SLC8A3: variants seen among roughly 807,000 people sequenced by gnomAD.
SLC8A3 encodes the protein solute carrier family 8 member A3, also known as sodium/calcium exchanger 3.
Under a neutral mutation model 65.4 loss-of-function variants are expected in SLC8A3, and 37 were observed. The ratio of observed to expected loss-of-function variants is 0.57; its 90% CI spans 0.44 to 0.74. The LOEUF (loss-of-function observed/expected upper bound fraction) is 0.74. Among genes scored for constraint, SLC8A3 ranks in the 30% least tolerant of loss-of-function variants. The pLI is 0.00. For synonymous variants in SLC8A3, 461 were observed against 444.5 expected, an observed-to-expected ratio of 1.04 and a Z score of -0.47; for missense variants, 1,112 against 1,172.1, an observed-to-expected ratio of 0.95 and a Z score of 0.75.
At chr14:70,156,112 G>T (rs1455640565) in intron 2 of SLC8A3, among the ~76,000 whole-genome samples, 1 of 152,182 alleles carries the variant, frequency 6.6e-6, no homozygotes, top group Non-Finnish European at 1.5e-5. Context: ...TGGGGAGCTG[G>T]CTTGAGAACC....
At chr14:70,160,956 A>G (rs1896846198) in intron 2 of SLC8A3, among the ~76,000 whole-genome samples, 1 of 151,438 alleles carries the variant, frequency 6.6e-6, no homozygotes, top group Non-Finnish European at 1.5e-5. Context: ...AAAAGTTTAC[A>G]TAGCATGGTC....
At chr14:70,122,138 T>A (rs1235371155) in intron 2 of SLC8A3, among the ~76,000 whole-genome samples, 1 of 152,140 alleles carries the variant, frequency 6.6e-6, no homozygotes, top group Admixed American at 6.5e-5. Context: ...GAAGAGCTAT[T>A]TCAGAGAAAA....
intron 2 of SLC8A3, among the ~76,000 whole-genome samples, chr14:70,133,498 G>A (rs1244251717): frequency 6.6e-6 from 1 of 152,202 alleles, no homozygotes; most frequent in African/African-American, 2.4e-5. Context: ...AGAACAAGGT[G>A]CATTGAGGCT....
At chr14:70,083,225 G>A (rs1423666989) in intron 2 of SLC8A3, among the ~76,000 whole-genome samples, 2 of 152,174 alleles carry the variant, frequency 1.3e-5, no homozygotes, top group Admixed American at 6.5e-5. Context: ...CAAGCATGAA[G>A]CCTTCTGATG....
At chr14:70,182,353 A>G (rs2140442330) in intron 1 of SLC8A3, among the ~76,000 whole-genome samples, 1 of 152,328 alleles carries the variant, frequency 6.6e-6, no homozygotes, top group African/African-American at 2.4e-5. Flanking sequence ...AACTATCCAC[A>G]CTGCAGTAAC....
At chr14:70,106,330 T>C (rs1892872417) in intron 2 of SLC8A3, among the ~76,000 whole-genome samples, 1 of 152,170 alleles carries the variant, frequency 6.6e-6, no homozygotes, top group Non-Finnish European at 1.5e-5. Context: ...TCACATACTT[T>C]TTTTATTTTA....
chr14:70,186,098 T>TG (rs1476560923), intron 1 of SLC8A3, among the ~76,000 whole-genome samples: 1 of 152,204 alleles, frequency 6.6e-6, no homozygotes, highest in African/African-American at 2.4e-5. Context: ...AATTGAATCA[T>TG]GGGGGCAGTA....
chr14:70,110,713 C>A (rs1166337463), intron 2 of SLC8A3, among the ~76,000 whole-genome samples: 1 of 117,438 alleles, frequency 8.5e-6, no homozygotes. Context: ...CAGAGTCTCG[C>A]TCTTTCACCC....
intron 2 of SLC8A3, among the ~76,000 whole-genome samples, chr14:70,100,704 A>G (rs901049015): frequency 3.3e-5 from 5 of 152,352 alleles, no homozygotes; most frequent in Middle Eastern, 3.4e-3. Context: ...AACACATTGC[A>G]AAAGAGGGAT....
chr14:70,050,406 T>C (rs963122293), intron 5 of SLC8A3, among the ~76,000 whole-genome samples: 4 of 152,070 alleles, frequency 2.6e-5, no homozygotes, highest in Non-Finnish European at 5.9e-5. Context: ...TGAGAGGTGA[T>C]AGTGATGGTG....
At chr14:70,151,765 G>A (rs1304281327) in intron 2 of SLC8A3, among the ~76,000 whole-genome samples, 4 of 152,184 alleles carry the variant, frequency 2.6e-5, no homozygotes, top group Admixed American at 2.0e-4. Context: ...CTAGAGGTCC[G>A]AGAGGAGAAT....
intron 2 of SLC8A3, among the ~76,000 whole-genome samples, chr14:70,069,218 A>T (rs1273994980): frequency 1.3e-5 from 2 of 152,172 alleles, no homozygotes; most frequent in Non-Finnish European, 1.5e-5. Context: ...GAGGCACAGA[A>T]TTTCCACACT....
chr14:70,150,614 C>A (rs1445374512), intron 2 of SLC8A3, among the ~76,000 whole-genome samples: 1 of 152,168 alleles, frequency 6.6e-6, no homozygotes, highest in African/African-American at 2.4e-5. Context: ...TCACAGACAG[C>A]CATAGCTTGG....
chr14:70,053,691 A>C (rs1887751150), intron 3 of SLC8A3, among the ~76,000 whole-genome samples: 1 of 152,154 alleles, frequency 6.6e-6, no homozygotes, highest in African/African-American at 2.4e-5. Flanking sequence ...CTACTTACTG[A>C]CCTGTCCACC....
intron 1 of SLC8A3, among the ~76,000 whole-genome samples, chr14:70,186,211 T>C (rs1211927672): frequency 6.6e-6 from 1 of 152,200 alleles, no homozygotes; most frequent in Admixed American, 6.5e-5. Flanking sequence ...TGCCGCCATG[T>C]GAAGAAGGAC....
Position 70,166,796 on chromosome 14 carries a change from C to T in SLC8A3, c.1627G>A (p.Glu543Lys). The change falls in exon 2 of 7, where the codon GAG becomes AAG. Residue 543 changes from glutamate to lysine, a missense_variant. By Grantham distance (56) the Glu-to-Lys change is moderately conservative. Transcript: ENST00000356921. ...TFECDTIHVS[E>K]SIGVMEVKVL... is the part of the protein sequence containing the mutation. Reference sequence around the variant, plus strand: ...TTGACCTCCATAACACCAATACTCTCACTGACATGAATAGTATCACATTCA... The same window carrying T: ...TTGACCTCCATAACACCAATACTCTTACTGACATGAATAGTATCACATTCA... The T allele has an allele frequency of 6.2e-7, 1 of 1,614,116 alleles. No homozygotes were observed. The highest frequency in any genetic ancestry group is 2.2e-5 in the East Asian group (1 of 44,886).
chr14:70,105,067 C>T (rs149361093), intron 2 of SLC8A3, among the ~76,000 whole-genome samples: 9,620 of 152,234 alleles, frequency 0.063, 313 homozygotes, highest in Non-Finnish European at 0.072. Flanking sequence ...CGGTGGCTCA[C>T]GCCTGTAATC....
chr14:70,046,055 A>G lies in SLC8A3; in HGVS notation c.2658T>C (p.Gly886=), dbSNP rs774995804. Residue 886 remains glycine (G), a synonymous_variant, in exon 7 of 7, where the codon GGT becomes GGC. Coordinates refer to ENST00000356921, the MANE Select transcript of SLC8A3 (RefSeq NM_182932.3). This position sits in a 1 kb window ranked among gnomAD's most constrained non-coding sequence, Gnocchi z 4.2. ...RRRPHLGGEL[G]GPRGCKLATT... ...TGGCGAGCTTGCAGCCACGGGGGCC[A>G]CCAAGCTCCCCTCCCAGGTGCGGCC... 3.1e-6 allele frequency: 5 copies of G among 1,614,072 alleles called. No individual in the cohort carries two copies. Among genetic ancestry groups the G allele is most frequent in the South Asian group, 1.1e-5 (1 of 91,054 alleles).
rs193194558 is a variant in SLC8A3 at position 70,135,998 on chromosome 14, C to T, written c.1784+30641G>A. ...CACACTGTACACATGTATCCAATAT[C>T]TCATGTACCCCAAAACTATGCATAA... On this transcript the variant is annotated intron_variant, in intron 2 of 6. Coordinates refer to ENST00000356921, the MANE Select transcript of SLC8A3 (RefSeq NM_182932.3). Among the ~76,000 whole-genome samples the T allele has an allele frequency of 1.1e-4, 17 of 152,236 alleles. No homozygotes were observed. In the East Asian group the frequency reaches 3.3e-3, roughly 29 times the overall value.
Sources: gnomAD v4.1 joint callset for allele counts (sites outside exome capture counted in the v4.1 genomes callset) on GRCh38, gnomAD v4.1.1 for gene constraint, Gnocchi (gnomAD v3.1) non-coding constraint, MANE v1.5 for transcripts, NCBI Gene and HGNC (gene_info 2026-07-23, HGNC 2026-07-21) for gene names.